Variants in BICD1 observed in about 807,000 individuals in gnomAD.
BICD1 encodes BICD cargo adaptor 1, also known as protein bicaudal D homolog 1.
A neutral mutation model predicts 92.5 loss-of-function variants in BICD1; 35 were observed. The observed-to-expected ratio is 0.38, with a 90% CI of 0.29 to 0.50. BICD1 has a LOEUF of 0.50. BICD1 is among the 20% of genes least tolerant of loss of function. BICD1 has a pLI of 0.93. For synonymous variants in BICD1, 429 were observed against 465.1 expected, an observed-to-expected ratio of 0.92 and a Z score of 1.00; for missense variants, 950 against 1,189.8, an observed-to-expected ratio of 0.80 and a Z score of 2.97.
chr12:32,169,163 GGGAATT>G (rs1457019231), intron 1 of BICD1, among the ~76,000 whole-genome samples: 1 of 152,038 alleles, frequency 6.6e-6, no homozygotes, highest in Admixed American at 6.6e-5. Context: ...GGCTCTGATG[GGGAATT>G]GTACCTGGAA....
At chr12:32,262,223 C>G (rs1946878055) in intron 2 of BICD1, among the ~76,000 whole-genome samples, 1 of 152,132 alleles carries the variant, frequency 6.6e-6, no homozygotes, top group African/African-American at 2.4e-5. Flanking sequence ...TTTCTTAATT[C>G]TGTCTCTTTT....
intron 1 of BICD1, among the ~76,000 whole-genome samples, chr12:32,193,499 T>C (rs2121531940): frequency 6.6e-6 from 1 of 152,330 alleles, no homozygotes; most frequent in South Asian, 2.1e-4. Flanking sequence ...GGTTTGGAAC[T>C]GGACCTGCAA....
chr12:32,305,595 G>A, intron 3 of BICD1, 102 bp from the exon 4 acceptor site: 1 of 1,003,540 alleles, frequency 1.0e-6, no homozygotes. Context: ...TTAGACTCAT[G>A]TTGTATTTTG....
chr12:32,228,128 C>T, intron 2 of BICD1: 2 of 193,316 alleles, frequency 1.0e-5, no homozygotes, highest in Non-Finnish European at 2.3e-5. Context: ...CTCTGCCACC[C>T]TTTGAGTGAT....
At chr12:32,122,530 C>T (rs893681262) in intron 1 of BICD1, among the ~76,000 whole-genome samples, 2 of 151,752 alleles carry the variant, frequency 1.3e-5, no homozygotes, top group Admixed American at 6.6e-5. Context: ...AAGTAGAACC[C>T]TTTCTTAAGA....
chr12:32,224,338 C>A (rs1457374328), intron 2 of BICD1, among the ~76,000 whole-genome samples: 1 of 152,228 alleles, frequency 6.6e-6, no homozygotes, highest in African/African-American at 2.4e-5. Context: ...ATAATAATAT[C>A]ATAGCTAACA....
At chr12:32,139,354 T>G (rs1942829432) in intron 1 of BICD1, among the ~76,000 whole-genome samples, 1 of 152,060 alleles carries the variant, frequency 6.6e-6, no homozygotes, top group Admixed American at 6.6e-5. Flanking sequence ...CCTCTAATTT[T>G]GTGTGTGTGT....
In BICD1 at chr12:32,241,583, C is replaced by G. The variant is rs533853779; in HGVS notation, c.426+25124C>G. ...TTCTCTGTGTATGGTTATGCATGTC[C>G]TAGATGGCCTTGAAATTGATCTGTT... On this transcript the variant is annotated intron_variant, in intron 2 of 9. Transcript: ENST00000652176. Among the ~76,000 whole-genome samples the G allele has an allele frequency of 4.6e-5, 7 of 152,272 alleles. No individual in the cohort carries two copies. In the South Asian group the frequency reaches 1.5e-3, roughly 32 times the overall value.
chr12:32,329,055 C>T (rs1421876872), intron 5 of BICD1, among the ~76,000 whole-genome samples: 1 of 152,142 alleles, frequency 6.6e-6, no homozygotes, highest in Admixed American at 6.5e-5. Context: ...GCTGGAGGTT[C>T]AGATTCAAGA....
At chr12:32,218,222 A>G (rs1026230356) in intron 2 of BICD1, among the ~76,000 whole-genome samples, 4 of 152,218 alleles carry the variant, frequency 2.6e-5, no homozygotes, top group Admixed American at 6.5e-5. Context: ...TGCATGGCAG[A>G]AGTTAATTAA....
At chr12:32,325,641 C>G (rs1445292873) in intron 4 of BICD1, among the ~76,000 whole-genome samples, 1 of 151,880 alleles carries the variant, frequency 6.6e-6, no homozygotes, top group Non-Finnish European at 1.5e-5. Context: ...ACATGTGTAT[C>G]CTAAAGTAAT....
intron 2 of BICD1, among the ~76,000 whole-genome samples, chr12:32,225,735 C>T (rs2121576140): frequency 6.8e-6 from 1 of 147,508 alleles, no homozygotes; most frequent in Non-Finnish European, 1.5e-5. Flanking sequence ...ATTTTCCTGC[C>T]TTAGCCTCCC....
Position 32,297,906 on chromosome 12 carries a change from C to A in BICD1, c.579+3760C>A, listed in dbSNP as rs942360112. Among the ~76,000 whole-genome samples, 5 of 152,044 alleles carry A rather than the reference C, an allele frequency of 3.3e-5. No individual in the cohort carries two copies. In the East Asian group the frequency reaches 9.6e-4, roughly 29 times the overall value. On this transcript the variant is annotated intron_variant, in intron 3 of 9. Coordinates refer to ENST00000652176, the MANE Select transcript of BICD1 (RefSeq NM_001714.4). ...CTTGTTGAAAGAATAAGAAAACTGG[C>A]CAGGCACGGTGGCTCATGCCTGTAA...
At chr12:32,326,493 A>G (rs750957335) in intron 4 of BICD1, among the ~76,000 whole-genome samples, 10 of 152,208 alleles carry the variant, frequency 6.6e-5, no homozygotes, top group Admixed American at 3.3e-4. Flanking sequence ...TTAATTACTA[A>G]TATTTAAAAT....
intron 1 of BICD1, among the ~76,000 whole-genome samples, chr12:32,180,759 A>G (rs905118655): frequency 2.6e-5 from 4 of 151,954 alleles, no homozygotes; most frequent in Non-Finnish European, 2.9e-5. Flanking sequence ...AAAAGCTAGC[A>G]TTCCTTGAAT....
intron 2 of BICD1, among the ~76,000 whole-genome samples, chr12:32,251,923 C>T (rs555360659): frequency 8.3e-5 from 12 of 143,882 alleles, no homozygotes; most frequent in South Asian, 4.2e-4. Flanking sequence ...TATTTCCACA[C>T]GGTTTTGGGG....
chr12:32,176,143 T>C (rs997683818), intron 1 of BICD1, among the ~76,000 whole-genome samples: 2 of 152,234 alleles, frequency 1.3e-5, no homozygotes, highest in African/African-American at 4.8e-5. Context: ...TTTGGACATG[T>C]AGGTTGTTTC....
chr12:32,274,095 C>T (rs369062994), intron 2 of BICD1, among the ~76,000 whole-genome samples: 1 of 152,132 alleles, frequency 6.6e-6, no homozygotes, highest in African/African-American at 2.4e-5. Context: ...GGCAGGGTTT[C>T]GTGGGGGACC....
chr12:32,304,347 A>G (rs1948152363), intron 3 of BICD1, among the ~76,000 whole-genome samples: 1 of 152,222 alleles, frequency 6.6e-6, no homozygotes, highest in East Asian at 1.9e-4. Context: ...AACTAAGCAC[A>G]TAGTTTGTAT....
Sources: gnomAD v4.1 joint callset for allele counts (sites outside exome capture counted in the v4.1 genomes callset) on GRCh38, gnomAD v4.1.1 for gene constraint, MANE v1.5 for transcripts, NCBI Gene and HGNC (gene_info 2026-07-23, HGNC 2026-07-21) for gene names.